Variants in ITGB8 observed in about 807,000 individuals in gnomAD.
ITGB8 encodes integrin beta-8.
ITGB8 carries 30 observed loss-of-function variants against 89.5 expected under a neutral mutation model. That is an observed-to-expected ratio of 0.34 (90% CI 0.25 to 0.45). The LOEUF (loss-of-function observed/expected upper bound fraction) is 0.45. ITGB8 is among the 20% of genes least tolerant of loss of function. ITGB8 has a pLI of 1.00. For missense variants in ITGB8, 836 were observed against 933.3 expected (o/e 0.90, Z 1.36); for synonymous variants, 335 against 320.4 (o/e 1.05, Z -0.49).
chr7:20,366,149 T>G (rs1337482129), intron 2 of ITGB8: 1 of 152,212 alleles, frequency 6.6e-6, no homozygotes, highest in Admixed American at 6.5e-5. Context: ...CCTAGTTTAA[T>G]GCCCCATGTT....
chr7:20,378,106 C>A (rs1057351056), intron 3 of ITGB8, among the ~76,000 whole-genome samples: 3 of 152,116 alleles, frequency 2.0e-5, no homozygotes, highest in Non-Finnish European at 4.4e-5. Context: ...AAATAGATGC[C>A]TTTTCACCAT....
At chr7:20,366,933 G>A (rs747323992) in intron 2 of ITGB8, 79 bp from the exon 3 acceptor site, 7 of 927,350 alleles carry the variant, frequency 7.5e-6, no homozygotes, top group Non-Finnish European at 1.1e-5. Flanking sequence ...TACCAAAAAT[G>A]CAATATTTGC....
chr7:20,395,558 G>A (rs952182442), intron 8 of ITGB8, among the ~76,000 whole-genome samples: 16 of 152,204 alleles, frequency 1.1e-4, no homozygotes, highest in Admixed American at 7.9e-4. Flanking sequence ...GTCCTATGAA[G>A]AGTGAATGCC....
At chr7:20,380,057 G>A (rs1175601581) in intron 4 of ITGB8, 3 of 151,990 alleles carry the variant, frequency 2.0e-5, no homozygotes, top group Admixed American at 6.6e-5. Context: ...CCAATTTACC[G>A]AAACAGCTCT....
intron 1 of ITGB8, among the ~76,000 whole-genome samples, chr7:20,332,852 G>C (rs1784453845): frequency 6.6e-6 from 1 of 151,978 alleles, no homozygotes; most frequent in South Asian, 2.1e-4. Context: ...ATGAGTTTAG[G>C]ATGAGTTCTT....
At chr7:20,343,454 C>T (rs1784827706) in intron 1 of ITGB8, among the ~76,000 whole-genome samples, 1 of 152,170 alleles carries the variant, frequency 6.6e-6, no homozygotes, top group African/African-American at 2.4e-5. Flanking sequence ...CATTTCATAG[C>T]ACTCTTGTTA....
At chr7:20,398,748 C>A in intron 8 of ITGB8, 112 bp from the exon 9 acceptor site, 1 of 669,170 alleles carries the variant, frequency 1.5e-6, no homozygotes, top group Non-Finnish European at 2.3e-6. Flanking sequence ...TAGAAACAGA[C>A]TCTTTGATCT....
At chr7:20,370,052 A>T (rs1785864668) in intron 3 of ITGB8, among the ~76,000 whole-genome samples, 1 of 151,966 alleles carries the variant, frequency 6.6e-6, no homozygotes, top group African/African-American at 2.4e-5. Context: ...AAAAAACATA[A>T]GAAAAACAGA....
At chr7:20,405,827 T>C (rs530617556) in intron 11 of ITGB8, among the ~76,000 whole-genome samples, 6 of 152,346 alleles carry the variant, frequency 3.9e-5, no homozygotes, top group Admixed American at 6.5e-5. Context: ...TTTTAAACCA[T>C]TGACTTTCTC....
intron 1 of ITGB8, 130 bp downstream of exon 1, chr7:20,332,063 C>A: frequency 6.9e-7 from 1 of 1,458,828 alleles, no homozygotes. Context: ...GGGGCGGGTG[C>A]GGGGCAGCGT....
chr7:20,387,978 C>T (rs550739595), intron 6 of ITGB8, among the ~76,000 whole-genome samples: 1 of 152,198 alleles, frequency 6.6e-6, no homozygotes, highest in South Asian at 2.1e-4. Flanking sequence ...TTACAATATT[C>T]CATACTATAA....
chr7:20,379,088 G>A lies in ITGB8; in HGVS notation c.426G>A (p.Leu142=). ...EANFMLKVHP[L]KKYPVDLYYL... Reference sequence around the variant, plus strand: ...ATTTTATGCTGAAAGTTCATCCTCTGAAGAAATATCCTGTGGATCTTTATT... The same window carrying A: ...ATTTTATGCTGAAAGTTCATCCTCTAAAGAAATATCCTGTGGATCTTTATT... Residue 142 remains leucine, a synonymous_variant, in exon 4 of 14, where the codon CTG becomes CTA. Coordinates refer to ENST00000222573, the MANE Select transcript of ITGB8 (RefSeq NM_002214.3). 1 of 1,596,852 alleles carries A rather than the reference G, an allele frequency of 6.3e-7. No homozygotes were observed. Among genetic ancestry groups the A allele is most frequent in the Non-Finnish European group, 8.5e-7 (1 of 1,170,546 alleles).
intron 3 of ITGB8, among the ~76,000 whole-genome samples, chr7:20,371,875 G>C (rs566278301): frequency 1.3e-5 from 2 of 152,126 alleles, no homozygotes; most frequent in African/African-American, 4.8e-5. Flanking sequence ...CAAAAAATTC[G>C]ATGTTCAGTT....
At chr7:20,366,771 GA>G (rs980767460) in intron 2 of ITGB8, 131 of 382,798 alleles carry the variant, frequency 3.4e-4, no homozygotes, top group East Asian at 5.4e-4. Context: ...CTCCGACACA[GA>G]AAAAAAAAGC....
chr7:20,409,486 C>T lies in ITGB8; in HGVS notation c.2024-129C>T, dbSNP rs41273833. 6.4e-3 allele frequency: 3,998 copies of T among 628,082 alleles called. 26 individuals carry two copies. The highest frequency in any genetic ancestry group is 8.7e-3 in the Non-Finnish European group (3,295 of 377,958). The allele number at this position is 628,082 out of a possible 1,614,324, so 38.9% of individuals were successfully genotyped here. On this transcript the variant is annotated intron_variant, in intron 12 of 13. Transcript: ENST00000222573. The stretch of plus-strand genomic sequence containing the variant: ...TTTGAATCAAAGGTAATTTCAATCC[C>T]GATTTGAAAATGGAGATTTGCAAAT...
chr7:20,396,237 C>A (rs944757658), intron 8 of ITGB8, among the ~76,000 whole-genome samples: 1 of 151,858 alleles, frequency 6.6e-6, no homozygotes, highest in African/African-American at 2.4e-5. Flanking sequence ...AGGAGATTGA[C>A]ACCATCCTGG....
chr7:20,362,964 T>C (rs540888317), intron 1 of ITGB8, among the ~76,000 whole-genome samples: 1 of 152,318 alleles, frequency 6.6e-6, no homozygotes, highest in East Asian at 1.9e-4. Flanking sequence ...TGTGAATTGG[T>C]CATGATCTTA....
chr7:20,392,239 A>G (rs1786890944), intron 7 of ITGB8, among the ~76,000 whole-genome samples: 1 of 152,048 alleles, frequency 6.6e-6, no homozygotes, highest in Non-Finnish European at 1.5e-5. Context: ...TTCATTGTGC[A>G]TCTCTGTTTA....
At chr7:20,366,877 A>G (rs1049429228) in intron 2 of ITGB8, 135 bp from the exon 3 acceptor site, 4 of 596,238 alleles carry the variant, frequency 6.7e-6, no homozygotes, top group Middle Eastern at 4.5e-4. Flanking sequence ...TTTCTTGTAG[A>G]AATAGTAAAA....
Sources: allele counts gnomAD v4.1 joint callset (sites outside exome capture counted in the v4.1 genomes callset), GRCh38; gene constraint gnomAD v4.1.1; transcripts MANE v1.5; gene names NCBI Gene and HGNC (gene_info 2026-07-23, HGNC 2026-07-21).